The following KDM4C variants were observed in gnomAD, a reference collection of about 807,000 sequenced individuals.
The protein encoded by KDM4C is lysine-specific demethylase 4C.
In KDM4C, 81 loss-of-function variants were observed where a neutral mutation model predicts 129.3. That is an observed-to-expected ratio of 0.63 (90% CI 0.52 to 0.75). KDM4C has a LOEUF of 0.75. Ranked by LOEUF, KDM4C falls within the 30% of genes least tolerant of loss-of-function variation. The probability of loss-of-function intolerance (pLI) is 0.00; values close to 1 mark genes in which losing one functional copy is unlikely to be tolerated. For synonymous variants in KDM4C, 573 were observed against 456.1 expected (o/e 1.26, Z -3.26); for missense variants, 1,457 against 1,304.0 (o/e 1.12, Z -1.81).
chr9:6,885,196 C>T (rs373236277), intron 6 of KDM4C, among the ~76,000 whole-genome samples: 3 of 152,240 alleles, frequency 2.0e-5, no homozygotes, highest in African/African-American at 7.2e-5. Context: ...CTCCCCTTCC[C>T]TGTCACCCAC....
intron 2 of KDM4C, among the ~76,000 whole-genome samples, chr9:6,798,407 C>T (rs568331632): frequency 6.6e-6 from 1 of 151,882 alleles, no homozygotes; most frequent in African/African-American, 2.4e-5. Context: ...TGTTTGTGTC[C>T]CTGGGTACTT....
chr9:6,762,393 A>G (rs962830761), intron 1 of KDM4C, among the ~76,000 whole-genome samples: 2 of 151,224 alleles, frequency 1.3e-5, no homozygotes, highest in Non-Finnish European at 2.9e-5. Context: ...GCTAGTCTCA[A>G]AATTCTGGGC....
chr9:6,872,191 T>G (rs1019924242), intron 5 of KDM4C, among the ~76,000 whole-genome samples: 3 of 152,140 alleles, frequency 2.0e-5, no homozygotes, highest in Non-Finnish European at 4.4e-5. Flanking sequence ...CAGTGAGGTA[T>G]GAAGGTTTTT....
intron 17 of KDM4C, among the ~76,000 whole-genome samples, chr9:7,069,621 A>C (rs950019659): frequency 1.3e-5 from 2 of 152,226 alleles, no homozygotes; most frequent in African/African-American, 2.4e-5. Flanking sequence ...TCTATTGGTT[A>C]CTTCTTATGT....
intron 4 of KDM4C, among the ~76,000 whole-genome samples, chr9:6,837,401 A>G (rs1281651008): frequency 2.0e-5 from 3 of 152,204 alleles, no homozygotes; most frequent in African/African-American, 4.8e-5. Flanking sequence ...AATTTATACA[A>G]TACAAAATTC....
At chr9:6,835,546 G>T (rs114184041) in intron 4 of KDM4C, 8 of 1,351,470 alleles carry the variant, frequency 5.9e-6, no homozygotes, top group Non-Finnish European at 2.1e-6. Flanking sequence ...TGATGAGTCC[G>T]GCTCCATCAT....
chr9:6,900,620 G>T (rs554572874), intron 8 of KDM4C, among the ~76,000 whole-genome samples: 5 of 152,180 alleles, frequency 3.3e-5, no homozygotes, highest in Admixed American at 1.3e-4. Context: ...GGGCAACAAT[G>T]CAAGACCTGT....
intron 1 of KDM4C, among the ~76,000 whole-genome samples, chr9:6,770,513 C>G (rs1363057404): frequency 2.0e-5 from 3 of 151,138 alleles, no homozygotes; most frequent in Admixed American, 6.6e-5. Context: ...AATACTTTTC[C>G]AAGTTTCAGT....
chr9:6,830,055 G>A (rs1054738822), intron 4 of KDM4C, among the ~76,000 whole-genome samples: 1 of 152,138 alleles, frequency 6.6e-6, no homozygotes, highest in Admixed American at 6.5e-5. Context: ...ATATGGGGCA[G>A]TGTTTCTGTA....
chr9:6,854,394 A>C (rs1023894077), intron 5 of KDM4C, among the ~76,000 whole-genome samples: 1 of 151,922 alleles, frequency 6.6e-6, no homozygotes, highest in African/African-American at 2.4e-5. Context: ...GTGTGGTGGT[A>C]CATGCCTGTA....
intron 4 of KDM4C, among the ~76,000 whole-genome samples, chr9:6,827,975 G>A (rs747406682): frequency 5.3e-5 from 8 of 152,144 alleles, no homozygotes; most frequent in Admixed American, 5.2e-4. Flanking sequence ...GAATGTTTCC[G>A]TTAGTTCTAG....
chr9:7,100,757 CTTTCTTTTTTCT>C (rs1836987034), intron 17 of KDM4C, among the ~76,000 whole-genome samples: 1 of 151,734 alleles, frequency 6.6e-6, no homozygotes, highest in Non-Finnish European at 1.5e-5. Flanking sequence ...TCCTTTTTTT[CTTTCTTTTTTCT>C]TTTCTTTTCT....
intron 1 of KDM4C, among the ~76,000 whole-genome samples, chr9:6,760,461 A>ATATATATG (rs1819199034): frequency 6.7e-6 from 1 of 150,266 alleles, no homozygotes; most frequent in Admixed American, 6.6e-5. Flanking sequence ...ATATATATAT[A>ATATATATG]TATAATGTAA....
At chr9:7,104,093 G>A (rs1837411824) in intron 18 of KDM4C, 1 of 505,640 alleles carries the variant, frequency 2.0e-6, no homozygotes, top group Admixed American at 3.2e-5. Context: ...AAATCTGTCT[G>A]AGTTGAATGA....
intron 4 of KDM4C, chr9:6,815,138 G>A (rs1831850785): frequency 6.6e-6 from 1 of 152,514 alleles, no homozygotes; most frequent in Admixed American, 6.6e-5. Flanking sequence ...TTAAAAAAAT[G>A]TTATATTTGA....
intron 8 of KDM4C, among the ~76,000 whole-genome samples, chr9:6,895,963 T>TA (rs1010129068): frequency 6.6e-6 from 1 of 152,232 alleles, no homozygotes; most frequent in African/African-American, 2.4e-5. Flanking sequence ...GCATTTTTTT[T>TA]ACCCAGATTT....
chr9:7,132,659 C>T (rs1840769904), intron 19 of KDM4C, among the ~76,000 whole-genome samples: 1 of 152,142 alleles, frequency 6.6e-6, no homozygotes, highest in Non-Finnish European at 1.5e-5. Flanking sequence ...TTTTGATGGG[C>T]ATGAAAGTTG....
At chr9:7,024,997 T>A (rs1002176438) in intron 15 of KDM4C, among the ~76,000 whole-genome samples, 6 of 152,216 alleles carry the variant, frequency 3.9e-5, no homozygotes, top group Admixed American at 6.5e-5. Context: ...CAGCACCTGT[T>A]GTTTCGTGAC....
rs112306163 is a variant in KDM4C at position 6,745,902 on chromosome 9, C to A, written c.49+24905C>A. ...TCAGCTCACTGCAACCTCTGCCTCA[C>A]GGGTTCAAGTGATTCTCCCGCCTCA... On this transcript the variant is annotated intron_variant, in intron 1 of 17. Transcript: ENST00000536108. 4.1e-3 allele frequency among the ~76,000 whole-genome samples: 625 copies of A among 152,170 alleles called. 4 individuals carry two copies. The highest frequency in any genetic ancestry group is 0.015 in the African/African-American group (606 of 41,536).
Sources: gnomAD v4.1 joint callset for allele counts (sites outside exome capture counted in the v4.1 genomes callset) on GRCh38, gnomAD v4.1.1 for gene constraint, MANE v1.5 for transcripts, NCBI Gene and HGNC (gene_info 2026-07-23, HGNC 2026-07-21) for gene names.